The following SUPT3H variants were observed in gnomAD, a reference collection of about 807,000 sequenced individuals.
SUPT3H encodes transcription initiation protein SPT3 homolog.
Under a neutral mutation model 44.3 loss-of-function variants are expected in SUPT3H, and 44 were observed. The ratio of observed to expected loss-of-function variants is 0.99; its 90% CI spans 0.78 to 1.28. The LOEUF (loss-of-function observed/expected upper bound fraction) is 1.28. Among genes scored for constraint, SUPT3H ranks in the 50% most tolerant of loss-of-function variants. The pLI is 0.00. For synonymous variants in SUPT3H, 124 were observed against 125.6 expected, an observed-to-expected ratio of 0.99 and a Z score of 0.09; for missense variants, 380 against 387.1, an observed-to-expected ratio of 0.98 and a Z score of 0.15.
intron 4 of SUPT3H, among the ~76,000 whole-genome samples, chr6:45,017,663 C>T (rs1257894619): frequency 2.7e-5 from 4 of 149,334 alleles, no homozygotes; most frequent in Admixed American, 6.8e-5. Context: ...TGTAGATATG[C>T]AGCGTTATTT....
At chr6:45,043,965 A>G (rs1216896219) in intron 3 of SUPT3H, among the ~76,000 whole-genome samples, 2 of 152,180 alleles carry the variant, frequency 1.3e-5, no homozygotes, top group Non-Finnish European at 2.9e-5. Context: ...TATTAACAGA[A>G]TTTATTAATT....
intron 9 of SUPT3H, among the ~76,000 whole-genome samples, chr6:44,935,915 C>T (rs1390399748): frequency 6.6e-6 from 1 of 152,194 alleles, no homozygotes; most frequent in African/African-American, 2.4e-5. Context: ...GGTTAGTGTC[C>T]TATCCTTTCT....
intron 2 of SUPT3H, among the ~76,000 whole-genome samples, chr6:45,167,593 ACT>A (rs1411892111): frequency 6.7e-6 from 1 of 150,112 alleles, no homozygotes; most frequent in African/African-American, 2.4e-5. Flanking sequence ...TTTTGATCAA[ACT>A]CAACATTTTT....
chr6:45,338,900 T>C (rs1453980127), intron 2 of SUPT3H, among the ~76,000 whole-genome samples: 1 of 152,116 alleles, frequency 6.6e-6, no homozygotes, highest in Non-Finnish European at 1.5e-5. Context: ...CCTAGGCACT[T>C]TGCTTGCCTC....
intron 6 of SUPT3H, among the ~76,000 whole-genome samples, chr6:44,997,607 T>G (rs1026451850): frequency 2.6e-5 from 4 of 151,918 alleles, no homozygotes. Context: ...ATAAATTATG[T>G]TATCTGTACA....
rs556017563 is a variant in SUPT3H at position 44,813,695 on chromosome 6, A to G, written c.*53-4194T>C. Among the ~76,000 whole-genome samples the G allele has an allele frequency of 3.3e-5, 5 of 151,892 alleles. No homozygotes were observed. In the South Asian group the frequency reaches 8.3e-4, roughly 25 times the overall value. ...AAAAAGAATCAAATGGTGATGGTATAATTAAAAAAATAAAAAAAATTTAAG... is the reference window on the plus strand; with the variant it reads ...AAAAAGAATCAAATGGTGATGGTATGATTAAAAAAATAAAAAAAATTTAAG... On this transcript the variant is annotated intron_variant and NMD_transcript_variant, in intron 11 of 11. Coordinates refer to the SUPT3H transcript ENST00000475057.
intron 3 of SUPT3H, among the ~76,000 whole-genome samples, chr6:45,024,709 C>T (rs1274467080): frequency 1.3e-5 from 2 of 152,074 alleles, no homozygotes; most frequent in Non-Finnish European, 2.9e-5. Flanking sequence ...AGCATTATTC[C>T]GGGAGTGACT....
At chr6:45,351,146 C>T (rs550093479) in intron 2 of SUPT3H, among the ~76,000 whole-genome samples, 2 of 152,200 alleles carry the variant, frequency 1.3e-5, no homozygotes, top group South Asian at 2.1e-4. Context: ...TCCCTGCTGC[C>T]AAAATGGTTG....
At chr6:45,051,285 A>C (rs909456543) in intron 3 of SUPT3H, among the ~76,000 whole-genome samples, 4 of 152,166 alleles carry the variant, frequency 2.6e-5, no homozygotes, top group Non-Finnish European at 5.9e-5. Flanking sequence ...GCATAAGTAC[A>C]GGAAAAGAGC....
chr6:44,862,395 G>T (rs1172812246), intron 10 of SUPT3H, among the ~76,000 whole-genome samples: 1 of 151,922 alleles, frequency 6.6e-6, no homozygotes, highest in Non-Finnish European at 1.5e-5. Context: ...AATGATACAG[G>T]GCCAGGCGCA....
chr6:45,164,292 A>G (rs181688477), intron 2 of SUPT3H, among the ~76,000 whole-genome samples: 102 of 152,226 alleles, frequency 6.7e-4, no homozygotes, highest in African/African-American at 2.4e-3. Flanking sequence ...ATAAAGAGAG[A>G]CTCTACCAGG....
rs1321891988 is a variant in SUPT3H, at chr6:44,829,318, G to GT, written c.*497dup. The GT allele has an allele frequency of 6.5e-6, 1 of 152,734 alleles. No homozygotes were observed. The highest frequency in any genetic ancestry group is 2.4e-5 in the African/African-American group (1 of 41,414). The allele number at this position is 152,734 out of a possible 1,614,324, so 9.5% of individuals were successfully genotyped here. On this transcript the variant is annotated 3_prime_UTR_variant, in exon 11 of 11. Transcript: ENST00000371459. ...CAGGTCTGTTAGATCTTTGATTACT[G>GT]TAAGTTTATAAAATGGATAGCTGTC...
intron 2 of SUPT3H, among the ~76,000 whole-genome samples, chr6:45,133,465 A>G (rs957572984): frequency 1.3e-5 from 2 of 152,178 alleles, no homozygotes; most frequent in African/African-American, 4.8e-5. Flanking sequence ...CCAGATACTT[A>G]GTTAAAATGC....
chr6:45,021,148 T>C (rs529526600), intron 3 of SUPT3H, among the ~76,000 whole-genome samples: 8 of 152,038 alleles, frequency 5.3e-5, no homozygotes, highest in Admixed American at 1.3e-4. Flanking sequence ...GGTAAAGGAT[T>C]CAGTCCATAA....
chr6:45,101,569 C>T (rs748561742), intron 3 of SUPT3H, among the ~76,000 whole-genome samples: 21 of 152,160 alleles, frequency 1.4e-4, no homozygotes, highest in African/African-American at 3.1e-4. Context: ...AATAATTTCT[C>T]GGGTTCCATA....
intron 10 of SUPT3H, among the ~76,000 whole-genome samples, chr6:44,856,894 T>A (rs1773825519): frequency 6.6e-6 from 1 of 152,202 alleles, no homozygotes; most frequent in African/African-American, 2.4e-5. Flanking sequence ...TTTAACAGTT[T>A]GACATGGAAC....
At chr6:45,023,685 T>C (rs1040848162) in intron 3 of SUPT3H, among the ~76,000 whole-genome samples, 1 of 152,060 alleles carries the variant, frequency 6.6e-6, no homozygotes, top group African/African-American at 2.4e-5. Context: ...CTGCATGTTC[T>C]CACTTATAAG....
intron 3 of SUPT3H, among the ~76,000 whole-genome samples, chr6:45,079,150 A>G (rs985464757): frequency 2.0e-5 from 3 of 152,140 alleles, no homozygotes; most frequent in African/African-American, 7.2e-5. Flanking sequence ...TCTACAACAA[A>G]ATACAAAAAA....
chr6:45,109,166 G>C (rs1562476548), intron 2 of SUPT3H, among the ~76,000 whole-genome samples: 1 of 152,096 alleles, frequency 6.6e-6, no homozygotes, highest in African/African-American at 2.4e-5. Flanking sequence ...CATTAAGATA[G>C]TATGTTATTT....
Sources: gnomAD v4.1 joint callset for allele counts (sites outside exome capture counted in the v4.1 genomes callset) on GRCh38, gnomAD v4.1.1 for gene constraint, MANE v1.5 for transcripts, NCBI Gene and HGNC (gene_info 2026-07-23, HGNC 2026-07-21) for gene names.